The following FAM107B variants were observed in gnomAD, a reference collection of about 807,000 sequenced individuals.
FAM107B encodes the protein family with sequence similarity 107 member B, also known as protein FAM107B.
FAM107B carries 21 observed loss-of-function variants against 31.5 expected under a neutral mutation model. The observed-to-expected ratio is 0.67, with a 90% confidence interval of 0.47 to 0.96. FAM107B has a LOEUF of 0.96. FAM107B is among the 40% of genes least tolerant of loss of function. FAM107B has a pLI of 0.00. For synonymous variants in FAM107B, 157 were observed against 141.5 expected (o/e 1.11, Z -0.78); for missense variants, 452 against 377.1 (o/e 1.20, Z -1.64).
At chr10:14,747,273 G>A (rs1037054868) in intron 1 of FAM107B, among the ~76,000 whole-genome samples, 6 of 152,060 alleles carry the variant, frequency 3.9e-5, no homozygotes, top group Non-Finnish European at 8.8e-5. Flanking sequence ...ATTATTACTC[G>A]CCTTCTGAAG....
intron 2 of FAM107B, among the ~76,000 whole-genome samples, chr10:14,606,602 C>T (rs1286789199): frequency 6.6e-6 from 1 of 152,150 alleles, no homozygotes; most frequent in Non-Finnish European, 1.5e-5. Flanking sequence ...TAAGGTTAAA[C>T]AAGGTCATAA....
Position 14,530,492 on chromosome 10 carries a change from G to C in FAM107B, c.493C>G (p.His165Asp), listed in dbSNP as rs1472637711. The change falls in exon 3 of 5, where the codon CAT becomes GAT. Residue 165 changes from histidine to aspartate, a missense_variant. Physicochemically the swap from His to Asp is moderately conservative, Grantham distance 81 (BLOSUM62 -1). Transcript: ENST00000181796. ...CTTGTAATGAGATATGAGTCCTTAT[G>C]GTCAATATCCTCAGGTGGGCTGTCT... ...TSDSPPEDID[H>D]KDSYLITRSI... The C allele has an allele frequency of 8.1e-6, 13 of 1,613,136 alleles. No individual in the cohort carries two copies. In the South Asian group the frequency reaches 9.9e-5, roughly 12 times the overall value.
At chr10:14,618,889 C>G (rs2182455) in intron 2 of FAM107B, among the ~76,000 whole-genome samples, 147,566 of 152,238 alleles carry the variant, frequency 0.97, 71,696 homozygotes, top group Middle Eastern at 1. Context: ...TATTGGAGTA[C>G]GGTGGCCCTT....
rs1164059703 is a variant in FAM107B, at chr10:14,681,122, A to T, written c.412-13431T>A. Among the ~76,000 whole-genome samples the T allele has an allele frequency of 3.3e-5, 5 of 152,182 alleles. No homozygotes were observed. In the East Asian group the frequency reaches 9.6e-4, roughly 29 times the overall value. On this transcript the variant is annotated intron_variant, in intron 1 of 4. Coordinates refer to ENST00000181796, the MANE Select transcript of FAM107B (RefSeq NM_031453.4). Reference sequence around the variant, plus strand: ...CCTAAGTAGCTACAGCAAAAGACAGAGTGGTTCACGTGCTTGCAAAGCTGT... The same window carrying T: ...CCTAAGTAGCTACAGCAAAAGACAGTGTGGTTCACGTGCTTGCAAAGCTGT...
At chr10:14,590,404 T>C (rs926365240) in intron 2 of FAM107B, among the ~76,000 whole-genome samples, 18 of 152,126 alleles carry the variant, frequency 1.2e-4, no homozygotes, top group Admixed American at 2.0e-4. Flanking sequence ...AACAAATAGG[T>C]TTCAAACAAC....
intron 1 of FAM107B, among the ~76,000 whole-genome samples, chr10:14,748,355 T>C (rs1457263510): frequency 7.2e-5 from 11 of 152,222 alleles, no homozygotes; most frequent in Non-Finnish European, 1.6e-4. Flanking sequence ...GGCCACCTAG[T>C]ATCTGAACTT....
intron 2 of FAM107B, among the ~76,000 whole-genome samples, chr10:14,586,681 C>G (rs1156342061): frequency 1.3e-5 from 2 of 152,182 alleles, no homozygotes; most frequent in African/African-American, 4.8e-5. Context: ...GAGTTCCCAA[C>G]CTCCAGAACT....
intron 1 of FAM107B, among the ~76,000 whole-genome samples, chr10:14,707,917 A>T (rs1241753426): frequency 1.3e-5 from 2 of 152,204 alleles, no homozygotes; most frequent in African/African-American, 2.4e-5. Flanking sequence ...AGAAAAATAC[A>T]AATTCAGACC....
intron 1 of FAM107B, among the ~76,000 whole-genome samples, chr10:14,683,092 G>T (rs1274791026): frequency 6.6e-6 from 1 of 152,152 alleles, no homozygotes; most frequent in Non-Finnish European, 1.5e-5. Flanking sequence ...GGTGCAATGT[G>T]TACTTTTAAG....
intron 1 of FAM107B, among the ~76,000 whole-genome samples, chr10:14,758,760 C>G (rs1385885146): frequency 1.3e-5 from 2 of 151,550 alleles, no homozygotes; most frequent in Admixed American, 1.3e-4. Context: ...CCTGCAACCC[C>G]AGGACTTTGG....
intron 2 of FAM107B, among the ~76,000 whole-genome samples, chr10:14,627,684 G>A (rs925968240): frequency 2.0e-5 from 3 of 152,190 alleles, no homozygotes; most frequent in African/African-American, 7.2e-5. Context: ...GAGGCAGGTA[G>A]ATCGCTTGAG....
rs111326826 is a variant in FAM107B, at chr10:14,552,151, G to A, written c.470-21636C>T. On this transcript the variant is annotated intron_variant, in intron 2 of 4. Transcript: ENST00000181796. ...CTCTGTGTAATTGCCTGTGATAACC[G>A]GCATGGCTATGTGTGACCCTCCCAC... Among the ~76,000 whole-genome samples, 314 of 152,266 alleles carry A rather than the reference G, an allele frequency of 2.1e-3. 1 individual carries two copies. Among genetic ancestry groups the A allele is most frequent in the African/African-American group, 7.0e-3 (292 of 41,548 alleles).
chr10:14,761,209 A>G (rs1213102756), intron 1 of FAM107B, among the ~76,000 whole-genome samples: 2 of 152,218 alleles, frequency 1.3e-5, no homozygotes, highest in Non-Finnish European at 2.9e-5. Context: ...TTCTTAGGGC[A>G]ACAAACTTTC....
At chr10:14,545,100 C>G (rs1301078394) in intron 2 of FAM107B, among the ~76,000 whole-genome samples, 1 of 152,130 alleles carries the variant, frequency 6.6e-6, no homozygotes, top group Admixed American at 6.5e-5. Context: ...TTGCAGTAGA[C>G]ATTAAATTTA....
chr10:14,525,484 G>A lies in FAM107B; in HGVS notation c.654-3465C>T, dbSNP rs145404657. Among the ~76,000 whole-genome samples the A allele has an allele frequency of 1.6e-4, 25 of 152,152 alleles. No homozygotes were observed. The East Asian group carries it at 4.4e-3, about 27-fold the overall frequency. On this transcript the variant is annotated intron_variant, in intron 3 of 4. Coordinates refer to ENST00000181796, the MANE Select transcript of FAM107B (RefSeq NM_031453.4). ...CCAAACCCTCTCCATTAAACGAATC[G>A]AGGAGCACCACTCCATCGCAAATGT...
At chr10:14,674,116 C>G (rs140416497) in intron 1 of FAM107B, among the ~76,000 whole-genome samples, 1 of 152,266 alleles carries the variant, frequency 6.6e-6, no homozygotes, top group East Asian at 1.9e-4. Context: ...GCATCAAAGA[C>G]TTAAACGTAA....
chr10:14,561,389 G>A (rs959209391), intron 2 of FAM107B, among the ~76,000 whole-genome samples: 2 of 152,214 alleles, frequency 1.3e-5, no homozygotes, highest in African/African-American at 2.4e-5. Flanking sequence ...ATGAAACACC[G>A]CGCTGAGAAG....
At chr10:14,742,277 C>T (rs1190450613) in intron 1 of FAM107B, among the ~76,000 whole-genome samples, 1 of 145,674 alleles carries the variant, frequency 6.9e-6, no homozygotes, top group African/African-American at 2.7e-5. Context: ...CCACCACACC[C>T]AGCTCATTTT....
At chr10:14,605,953 CAGGGGTTT>C (rs1852577853) in intron 2 of FAM107B, among the ~76,000 whole-genome samples, 3 of 152,188 alleles carry the variant, frequency 2.0e-5, no homozygotes, top group African/African-American at 7.2e-5. Flanking sequence ...AATATGGTGG[CAGGGGTTT>C]CCTAACTGGC....
Sources: gnomAD v4.1 joint callset for allele counts (sites outside exome capture counted in the v4.1 genomes callset) on GRCh38, gnomAD v4.1.1 for gene constraint, MANE v1.5 for transcripts, NCBI Gene and HGNC (gene_info 2026-07-23, HGNC 2026-07-21) for gene names.